Variants in GAREM1 observed in about 807,000 individuals in gnomAD.
GAREM1 encodes the protein GRB2-associated and regulator of MAPK protein 1.
A neutral mutation model predicts 71.3 loss-of-function variants in GAREM1; 26 were observed. The observed-to-expected ratio is 0.36, with a 90% CI of 0.27 to 0.51. GAREM1 has a LOEUF of 0.51. Ranked by LOEUF, GAREM1 falls within the 20% of genes least tolerant of loss-of-function variation. The pLI is 0.95. For synonymous variants in GAREM1, 440 were observed against 433.2 expected (o/e 1.02, Z -0.20); for missense variants, 1,026 against 1,103.1 (o/e 0.93, Z 0.99).
rs1162483001 is a variant in GAREM1 at position 32,266,322 on chromosome 18, G to A, written c.*1549C>T. ...TTTATTTTGGTAGCAGGAAGAGATG[G>A]TAAGATATAAGTCCATCCTGCAAGT... On this transcript the variant is annotated 3_prime_UTR_variant, in exon 6 of 6. Coordinates refer to ENST00000269209, the MANE Select transcript of GAREM1 (RefSeq NM_001242409.2). The A allele has an allele frequency of 1.3e-5, 2 of 152,134 alleles. No individual in the cohort carries two copies. The highest frequency in any genetic ancestry group is 2.9e-5 in the Non-Finnish European group (2 of 68,024). The allele number at this position is 152,134 out of a possible 1,614,324, so 9.4% of individuals were successfully genotyped here.
At chr18:32,338,682 A>C (rs542398072) in intron 2 of GAREM1, among the ~76,000 whole-genome samples, 29 of 152,314 alleles carry the variant, frequency 1.9e-4, no homozygotes, top group Non-Finnish European at 3.7e-4. Context: ...AATCAGACTA[A>C]AGCCTGAACC....
chr18:32,288,252 A>G, intron 3 of GAREM1, 49 bp from the exon 4 acceptor site: 1 of 1,435,146 alleles, frequency 7.0e-7, no homozygotes, highest in Non-Finnish European at 9.4e-7. Context: ...TGATCTATTC[A>G]CGCAAAGAAC....
chr18:32,460,767 G>T (rs1189250799), intron 1 of GAREM1, among the ~76,000 whole-genome samples: 2 of 152,168 alleles, frequency 1.3e-5, no homozygotes, highest in Non-Finnish European at 2.9e-5. Context: ...ATGCCATCAG[G>T]TCTTTGCTAA....
At position 32,470,367 on chromosome 18, in the gene GAREM1, A is replaced by T; in HGVS notation, c.62T>A (p.Val21Glu). ...LKDVKWSSVAVPLDLLVSTYR... is the reference protein window; with the variant it reads ...LKDVKWSSVAEPLDLLVSTYR... ...AGTGCTGACCAGGAGGTCGAGCGGCACGGCCACCGAGCTCCACTTCACATC... is the reference window on the plus strand; with the variant it reads ...AGTGCTGACCAGGAGGTCGAGCGGCTCGGCCACCGAGCTCCACTTCACATC... The change falls in exon 1 of 6, where the codon GTG (valine) becomes GAG (glutamate). Residue 21 changes from valine (V) to glutamate (E), a missense_variant. Val to Glu is a moderately radical substitution (Grantham distance 121). Coordinates refer to ENST00000269209, the MANE Select transcript of GAREM1 (RefSeq NM_001242409.2). The surrounding 1 kb of genome is among the most constrained non-coding windows in gnomAD (Gnocchi z 4.4). 1 of 1,559,842 alleles carries T rather than the reference A, an allele frequency of 6.4e-7. No homozygotes were observed.
intron 5 of GAREM1, 146 bp downstream of exon 5, chr18:32,270,071 A>G: frequency 1.2e-6 from 1 of 867,508 alleles, no homozygotes; most frequent in Non-Finnish European, 1.8e-6. Context: ...CATCATGCTC[A>G]CTCAGTAAAA....
intron 1 of GAREM1, among the ~76,000 whole-genome samples, chr18:32,443,811 T>C (rs1389744127): frequency 1.3e-5 from 2 of 152,182 alleles, no homozygotes; most frequent in African/African-American, 4.8e-5. Context: ...GCATAGTAAC[T>C]TGTACACAGA....
At chr18:32,353,750 T>C (rs2047776433) in intron 2 of GAREM1, among the ~76,000 whole-genome samples, 1 of 152,196 alleles carries the variant, frequency 6.6e-6, no homozygotes, top group African/African-American at 2.4e-5. Context: ...AATAATTCTA[T>C]GCTGTTCTAC....
In GAREM1 at chr18:32,470,196, A is replaced by C; in HGVS notation, c.121+112T>G. 1 of 1,246,222 alleles carries C rather than the reference A, an allele frequency of 8.0e-7. No homozygotes were observed. The highest frequency in any genetic ancestry group is 1.0e-6 in the Non-Finnish European group (1 of 983,262). The allele number at this position is 1,246,222 out of a possible 1,614,324, so 77.2% of individuals were successfully genotyped here. ...GCCGCTCGGGCCAACTCCGGCGCTC[A>C]GGGGCGGGCAGCCCACTCCCCGCGG... On this transcript the variant is annotated intron_variant, in intron 1 of 5. Coordinates refer to ENST00000269209, the MANE Select transcript of GAREM1 (RefSeq NM_001242409.2). The surrounding 1 kb of genome is among the most constrained non-coding windows in gnomAD (Gnocchi z 4.4).
intron 1 of GAREM1, among the ~76,000 whole-genome samples, chr18:32,402,996 C>G (rs1412677995): frequency 6.6e-6 from 1 of 152,122 alleles, no homozygotes; most frequent in Non-Finnish European, 1.5e-5. Context: ...CAGCTCACTG[C>G]AACCTCTGCC....
At chr18:32,346,114 G>A (rs1413901468) in intron 2 of GAREM1, among the ~76,000 whole-genome samples, 2 of 151,812 alleles carry the variant, frequency 1.3e-5, no homozygotes, top group Non-Finnish European at 2.9e-5. Flanking sequence ...CTCCTTTGTG[G>A]TCTGTTTTTA....
intron 1 of GAREM1, among the ~76,000 whole-genome samples, chr18:32,431,441 A>G (rs1439179726): frequency 1.3e-5 from 2 of 152,142 alleles, no homozygotes; most frequent in Admixed American, 1.3e-4. Context: ...CAGCCTGGCC[A>G]ATGTGGTAAA....
At chr18:32,420,010 A>G (rs1042210323) in intron 1 of GAREM1, among the ~76,000 whole-genome samples, 2 of 152,230 alleles carry the variant, frequency 1.3e-5, no homozygotes, top group Admixed American at 6.5e-5. Context: ...TTACAGTGCC[A>G]CTAGGCCAAA....
intron 1 of GAREM1, among the ~76,000 whole-genome samples, chr18:32,400,758 C>T (rs1200212763): frequency 2.0e-5 from 3 of 152,180 alleles, no homozygotes; most frequent in African/African-American, 7.2e-5. Context: ...TTGTGGAAGA[C>T]AGTGTGGCGA....
At chr18:32,400,947 G>A (rs1046100464) in intron 1 of GAREM1, among the ~76,000 whole-genome samples, 2 of 152,046 alleles carry the variant, frequency 1.3e-5, no homozygotes, top group Non-Finnish European at 1.5e-5. Flanking sequence ...ATGATAGACA[G>A]GATTAAGAAA....
At chr18:32,308,953 G>A (rs1339541634) in intron 3 of GAREM1, among the ~76,000 whole-genome samples, 1 of 149,858 alleles carries the variant, frequency 6.7e-6, no homozygotes, top group East Asian at 2.0e-4. Context: ...GAAGAGTGTG[G>A]GTGGAATGAC....
At chr18:32,454,033 A>AG (rs2048865984) in intron 1 of GAREM1, among the ~76,000 whole-genome samples, 1 of 152,168 alleles carries the variant, frequency 6.6e-6, no homozygotes, top group Admixed American at 6.5e-5. Context: ...ACGTAATATG[A>AG]GAAAAAATTA....
chr18:32,309,854 T>C (rs2144517504), intron 3 of GAREM1, among the ~76,000 whole-genome samples: 1 of 152,292 alleles, frequency 6.6e-6, no homozygotes, highest in South Asian at 2.1e-4. Context: ...AGTTTCATCA[T>C]ATCCCTTTTG....
intron 1 of GAREM1, among the ~76,000 whole-genome samples, chr18:32,451,674 C>T (rs729693): frequency 0.14 from 21,025 of 152,128 alleles, 1,804 homozygotes; most frequent in East Asian, 0.39. Context: ...CCAAATATTG[C>T]CTAATTCCAA....
At chr18:32,395,951 CCT>C (rs553651404) in intron 1 of GAREM1, among the ~76,000 whole-genome samples, 1,906 of 152,294 alleles carry the variant, frequency 0.013, 11 homozygotes, top group Non-Finnish European at 0.019. Flanking sequence ...GCCGGGTACC[CCT>C]CTGAGACGAA....
Sources: allele counts gnomAD v4.1 joint callset (sites outside exome capture counted in the v4.1 genomes callset), GRCh38; gene constraint gnomAD v4.1.1; non-coding constraint Gnocchi (gnomAD v3.1); transcripts MANE v1.5; gene names NCBI Gene and HGNC (gene_info 2026-07-23, HGNC 2026-07-21).